GRIA3: variants seen among roughly 807,000 people sequenced by gnomAD.
GRIA3 encodes glutamate receptor 3.
In GRIA3, 3 loss-of-function variants were observed where a neutral mutation model predicts 63.0. The ratio of observed to expected loss-of-function variants is 0.05; its 90% CI spans 0.02 to 0.12. GRIA3 has a LOEUF of 0.12. GRIA3 is among the 10% of genes least tolerant of loss of function. The pLI, the probability that GRIA3 is intolerant of heterozygous loss-of-function variation, is 1.00. For synonymous variants in GRIA3, 274 were observed against 257.9 expected (o/e 1.06, Z -0.60); for missense variants, 347 against 700.9 (o/e 0.50, Z 5.70).
chrX:123,259,231 C>G (rs1417764022), intron 3 of GRIA3, among the ~76,000 whole-genome samples: 1 of 110,965 alleles, frequency 9.0e-6, no homozygotes, highest in African/African-American at 3.3e-5. Context: ...AGGGCCTGTC[C>G]TCAGAGGATT....
intron 3 of GRIA3, among the ~76,000 whole-genome samples, chrX:123,257,310 G>T (rs1440759271): frequency 9.0e-6 from 1 of 110,928 alleles, no homozygotes; most frequent in Non-Finnish European, 1.9e-5. Context: ...ACCTCCTTTA[G>T]TGATTCATCA....
rs200411537 is a variant in GRIA3, at chrX:123,302,688, C to T, written c.509-23338C>T. Among the ~76,000 whole-genome samples, 119 of 111,506 alleles carry T rather than the reference C, an allele frequency of 1.1e-3. No individual in the cohort carries two copies. The East Asian group carries it at 0.012, about 12-fold the overall frequency. On this transcript the variant is annotated intron_variant, in intron 3 of 15. Coordinates refer to ENST00000620443, the MANE Select transcript of GRIA3 (RefSeq NM_007325.5). Reference sequence around the variant, plus strand: ...TCATTATATGGGTCTATTACTCTATCGTCTACACAGAACCACTTTTGTATG... The same window carrying T: ...TCATTATATGGGTCTATTACTCTATTGTCTACACAGAACCACTTTTGTATG...
At position 123,352,152 on chromosome X, in the gene GRIA3, C is replaced by T. The variant is rs192381890; in HGVS notation, c.697-2758C>T. 1.5e-3 allele frequency among the ~76,000 whole-genome samples: 165 copies of T among 110,495 alleles called. 1 individual carries two copies. The highest frequency in any genetic ancestry group is 5.3e-3 in the African/African-American group (160 of 30,238). The stretch of plus-strand genomic sequence containing the variant: ...CTGGAGTGCAATGGCACGATCTCAG[C>T]TCACTGCAACCTCCGCCTCCCGGGT... On this transcript the variant is annotated intron_variant, in intron 4 of 15. Transcript: ENST00000620443.
At chrX:123,416,160 C>T (rs2045535808) in intron 10 of GRIA3, among the ~76,000 whole-genome samples, 1 of 111,888 alleles carries the variant, frequency 8.9e-6, no homozygotes, top group African/African-American at 3.2e-5. Flanking sequence ...AGAATAAGCA[C>T]TCAATAAATG....
chrX:123,288,747 A>T (rs74886861), intron 3 of GRIA3, among the ~76,000 whole-genome samples: 40,920 of 110,703 alleles, frequency 0.37, 6,646 homozygotes, highest in African/African-American at 0.63. Flanking sequence ...TAAAATGGCG[A>T]TCATTAAAAA....
At chrX:123,482,118 CAACACA>C (rs1220310204) in intron 14 of GRIA3, among the ~76,000 whole-genome samples, 1 of 111,996 alleles carries the variant, frequency 8.9e-6, no homozygotes, top group Non-Finnish European at 1.9e-5. Flanking sequence ...CTTGTTCCAG[CAACACA>C]AAGACTTGCT....
At chrX:123,388,801 C>T (rs2045367847) in intron 5 of GRIA3, among the ~76,000 whole-genome samples, 1 of 111,800 alleles carries the variant, frequency 8.9e-6, no homozygotes, top group African/African-American at 3.3e-5. Flanking sequence ...CTTTGAGGTG[C>T]ATCATTAGAT....
At chrX:123,322,667 T>C (rs1001045766) in intron 3 of GRIA3, among the ~76,000 whole-genome samples, 3 of 111,516 alleles carry the variant, frequency 2.7e-5, no homozygotes, top group African/African-American at 9.8e-5. Flanking sequence ...ATAAAAGCTT[T>C]TCTTGGGCTG....
At chrX:123,423,221 C>T (rs893995599) in intron 11 of GRIA3, among the ~76,000 whole-genome samples, 1 of 111,739 alleles carries the variant, frequency 8.9e-6, no homozygotes, top group African/African-American at 3.3e-5. Flanking sequence ...AAAGGTGTTA[C>T]TCTCCTGTTA....
At chrX:123,481,017 G>A (rs773348169) in intron 14 of GRIA3, among the ~76,000 whole-genome samples, 4 of 110,759 alleles carry the variant, frequency 3.6e-5, no homozygotes, top group South Asian at 3.9e-4. Flanking sequence ...CATTTTCCCC[G>A]TGCAATGAAC....
intron 3 of GRIA3, among the ~76,000 whole-genome samples, chrX:123,268,163 T>C (rs993134598): frequency 8.9e-6 from 1 of 111,869 alleles, no homozygotes; most frequent in African/African-American, 3.2e-5. Flanking sequence ...TGATGTGATG[T>C]TTTATACTTG....
intron 3 of GRIA3, among the ~76,000 whole-genome samples, chrX:123,294,434 T>C (rs1387337850): frequency 9.0e-6 from 1 of 111,527 alleles, no homozygotes; most frequent in Non-Finnish European, 1.9e-5. Context: ...GATAAAGTTA[T>C]AGCCACCCAT....
intron 10 of GRIA3, among the ~76,000 whole-genome samples, chrX:123,406,148 G>A (rs2045472799): frequency 8.9e-6 from 1 of 112,565 alleles, no homozygotes; most frequent in African/African-American, 3.2e-5. Context: ...GCTTAATGAG[G>A]CACATGTAAA....
chrX:123,302,665 A>G (rs1170072249), intron 3 of GRIA3, among the ~76,000 whole-genome samples: 1 of 111,572 alleles, frequency 9.0e-6, no homozygotes, highest in Non-Finnish European at 1.9e-5. Flanking sequence ...TCTGAGGATC[A>G]TTATATGGGT....
intron 10 of GRIA3, among the ~76,000 whole-genome samples, chrX:123,414,504 T>C (rs2045524772): frequency 9.0e-6 from 1 of 111,470 alleles, no homozygotes; most frequent in Non-Finnish European, 1.9e-5. Flanking sequence ...ACATGTGCCA[T>C]GTTGGTTTGC....
At chrX:123,210,549 G>A (rs376434281) in intron 2 of GRIA3, among the ~76,000 whole-genome samples, 8 of 111,433 alleles carry the variant, frequency 7.2e-5, no homozygotes, top group African/African-American at 2.6e-4. Context: ...TTCTGGGCAT[G>A]AGTTTCTTCC....
chrX:123,214,997 G>T (rs1928124712), intron 2 of GRIA3, among the ~76,000 whole-genome samples: 1 of 112,083 alleles, frequency 8.9e-6, no homozygotes, highest in Admixed American at 9.4e-5. Flanking sequence ...AAAGATGACA[G>T]TTGAGGGAAA....
At chrX:123,372,991 T>A (rs1330374576) in intron 5 of GRIA3, among the ~76,000 whole-genome samples, 4 of 109,698 alleles carry the variant, frequency 3.6e-5, no homozygotes, top group Non-Finnish European at 7.6e-5. Context: ...CATTAGGTAT[T>A]TCTCCTAATG....
intron 12 of GRIA3, among the ~76,000 whole-genome samples, chrX:123,455,039 T>C (rs759751086): frequency 4.5e-5 from 5 of 111,973 alleles, no homozygotes; most frequent in Non-Finnish European, 7.5e-5. Context: ...GAACACAGTT[T>C]GAAACTGTTA....
Sources: gnomAD v4.1 joint callset for allele counts (sites outside exome capture counted in the v4.1 genomes callset) on GRCh38, gnomAD v4.1.1 for gene constraint, MANE v1.5 for transcripts, NCBI Gene and HGNC (gene_info 2026-07-23, HGNC 2026-07-21) for gene names.